Variants in DOCK4 observed in about 807,000 individuals in gnomAD.
The protein encoded by DOCK4 is dedicator of cytokinesis protein 4.
In DOCK4, 97 loss-of-function variants were observed where a neutral mutation model predicts 268.1. The observed-to-expected ratio is 0.36, with a 90% confidence interval of 0.31 to 0.43. The LOEUF (loss-of-function observed/expected upper bound fraction) is 0.43, where lower values mean the gene tolerates loss of function less well. DOCK4 is among the 20% of genes least tolerant of loss of function. The pLI, the probability that DOCK4 is intolerant of heterozygous loss-of-function variation, is 1.00. For missense variants in DOCK4, 2,145 were observed against 2,455.7 expected, an observed-to-expected ratio of 0.87 and a Z score of 2.67; for synonymous variants, 954 against 887.2, an observed-to-expected ratio of 1.08 and a Z score of -1.34.
intron 16 of DOCK4, among the ~76,000 whole-genome samples, chr7:111,879,297 T>C (rs1485740029): frequency 6.6e-6 from 1 of 152,040 alleles, no homozygotes; most frequent in African/African-American, 2.4e-5. Context: ...TAAAGACCCC[T>C]TGGGCCCTAA....
intron 1 of DOCK4, among the ~76,000 whole-genome samples, chr7:112,076,088 CT>C (rs1444989421): frequency 1.3e-5 from 2 of 152,162 alleles, no homozygotes; most frequent in East Asian, 3.9e-4. Context: ...GACTTTAATG[CT>C]AAAAATATTT....
At chr7:112,186,725 G>A (rs117905765) in intron 1 of DOCK4, among the ~76,000 whole-genome samples, 477 of 152,234 alleles carry the variant, frequency 3.1e-3, no homozygotes, top group Non-Finnish European at 5.1e-3. Context: ...GACACCCACA[G>A]AGAAACCACT....
chr7:111,989,280 G>A lies in DOCK4; in HGVS notation c.316-117C>T, dbSNP rs1799311314. The A allele has an allele frequency of 5.9e-6, 8 of 1,358,862 alleles. No individual in the cohort carries two copies. In the African/African-American group the frequency reaches 8.6e-5, roughly 15 times the overall value. The allele number at this position is 1,358,862 out of a possible 1,614,324, so 84.2% of individuals were successfully genotyped here. On this transcript the variant is annotated intron_variant, in intron 5 of 52. Transcript: ENST00000428084. ...TTACCCACTATGTGCTTGCCACTCT[G>A]GACAGATGTCCGTGAACAGACAAAC...
At chr7:111,845,455 T>C (rs1804025600) in intron 24 of DOCK4, among the ~76,000 whole-genome samples, 2 of 152,194 alleles carry the variant, frequency 1.3e-5, no homozygotes, top group African/African-American at 4.8e-5. Context: ...TCAGTGGCCA[T>C]GTGGAAACTG....
At chr7:111,763,135 G>A (rs1011634817) in intron 39 of DOCK4, among the ~76,000 whole-genome samples, 5 of 151,870 alleles carry the variant, frequency 3.3e-5, no homozygotes, top group African/African-American at 4.8e-5. Flanking sequence ...ATGTATTTGA[G>A]TGCTAAAAAT....
chr7:111,754,923 G>GACTT (rs1796920201), intron 42 of DOCK4, among the ~76,000 whole-genome samples: 1 of 152,170 alleles, frequency 6.6e-6, no homozygotes, highest in Non-Finnish European at 1.5e-5. Flanking sequence ...TAACAACACG[G>GACTT]ACTTACTGTG....
At chr7:111,775,425 T>C (rs900910113) in intron 36 of DOCK4, among the ~76,000 whole-genome samples, 2 of 152,184 alleles carry the variant, frequency 1.3e-5, no homozygotes, top group African/African-American at 4.8e-5. Flanking sequence ...TCTCTCCCAC[T>C]GATTACAACT....
At chr7:111,971,193 TACAAAAAAACTA>T (rs1797683394) in intron 8 of DOCK4, 1 of 153,194 alleles carries the variant, frequency 6.5e-6, no homozygotes, top group Non-Finnish European at 1.5e-5. Context: ...TATTTTTATG[TACAAAAAAACTA>T]ACAGGGCACA....
chr7:111,941,517 A>G (rs1485722405), intron 10 of DOCK4, among the ~76,000 whole-genome samples: 3 of 152,192 alleles, frequency 2.0e-5, no homozygotes, highest in Non-Finnish European at 4.4e-5. Flanking sequence ...GGCAGTCTTT[A>G]TCAATATCGT....
Position 111,844,305 on chromosome 7 carries a change from A to G in DOCK4, c.2736+458T>C, listed in dbSNP as rs113998040. 4.5e-3 allele frequency among the ~76,000 whole-genome samples: 683 copies of G among 152,288 alleles called. 6 individuals carry two copies. The highest frequency in any genetic ancestry group is 0.015 in the African/African-American group (624 of 41,566). Reference sequence around the variant, plus strand: ...AAAGAAAAAAAACTTTGCCAATTCCAACCTTCTCATTTCCTAGCTAAGAAA... The same window carrying G: ...AAAGAAAAAAAACTTTGCCAATTCCGACCTTCTCATTTCCTAGCTAAGAAA... On this transcript the variant is annotated intron_variant, in intron 25 of 52. Coordinates refer to ENST00000428084, the MANE Select transcript of DOCK4 (RefSeq NM_001363540.2).
chr7:111,966,098 A>G (rs1797334440), intron 8 of DOCK4, among the ~76,000 whole-genome samples: 1 of 59,652 alleles, frequency 1.7e-5, no homozygotes, highest in African/African-American at 1.2e-4. Context: ...ACCACAAGAG[A>G]AAGCAGGAAA....
At chr7:111,992,021 A>T (rs1799584462) in intron 5 of DOCK4, among the ~76,000 whole-genome samples, 1 of 151,752 alleles carries the variant, frequency 6.6e-6, no homozygotes, top group Non-Finnish European at 1.5e-5. Context: ...AAAGAGATGT[A>T]AAATGTCCAG....
chr7:112,059,806 T>A (rs974847610), intron 1 of DOCK4, among the ~76,000 whole-genome samples: 6 of 152,190 alleles, frequency 3.9e-5, no homozygotes, highest in Non-Finnish European at 7.3e-5. Flanking sequence ...TGTCTAAAAC[T>A]TAGAGACATT....
Position 111,732,281 on chromosome 7 carries a change from G to A in DOCK4, c.5426C>T (p.Pro1809Leu). ...GGATACTGATGTCGTGTGTCTTGCT[G>A]GTGAAGCTGTCAATGGGGAGAGAGA... ...VPPRPTQTAS[P>L]ARHTTSVSPS... The change falls in exon 52 of 53, where the codon CCA becomes CTA. Residue 1809 changes from proline (P) to leucine (L), a missense_variant. Pro to Leu is a moderately conservative substitution (Grantham distance 98). Around this residue, in one of 2 missense-constraint regions of DOCK4, gnomAD observed 547 missense variants for 469.0 expected, o/e 1.17. Transcript: ENST00000428084. 6.2e-7 allele frequency: 1 copy of A among 1,613,966 alleles called. No individual in the cohort carries two copies. Among genetic ancestry groups the A allele is most frequent in the Non-Finnish European group, 8.5e-7 (1 of 1,179,882 alleles).
At chr7:111,973,186 T>TAA (rs1554399515) in intron 8 of DOCK4, among the ~76,000 whole-genome samples, 10 of 137,564 alleles carry the variant, frequency 7.3e-5, no homozygotes, top group African/African-American at 1.8e-4. Flanking sequence ...TATATATATA[T>TAA]AATATTTTCT....
intron 36 of DOCK4, among the ~76,000 whole-genome samples, chr7:111,772,080 T>C (rs898221556): frequency 1.3e-5 from 2 of 152,156 alleles, no homozygotes; most frequent in African/African-American, 4.8e-5. Flanking sequence ...GAAAGTAGAA[T>C]AGTTGTTGCC....
rs75546000 is a variant in DOCK4, at chr7:111,802,835, T to C, written c.3166+5986A>G. Among the ~76,000 whole-genome samples the C allele has an allele frequency of 1.1e-3, 171 of 152,298 alleles. 1 individual carries two copies. The highest frequency in any genetic ancestry group is 3.9e-3 in the African/African-American group (164 of 41,544). ...ATCTAGCTTCAGTGATTATCAAGAC[T>C]CTTGTCCTTCCCATTTTACCTAATA... On this transcript the variant is annotated intron_variant, in intron 30 of 52. Coordinates refer to ENST00000428084, the MANE Select transcript of DOCK4 (RefSeq NM_001363540.2).
chr7:111,855,826 A>G (rs1032344860), intron 23 of DOCK4, among the ~76,000 whole-genome samples: 1 of 152,198 alleles, frequency 6.6e-6, no homozygotes, highest in Non-Finnish European at 1.5e-5. Flanking sequence ...TCAATTTGTT[A>G]TAGTATTTCC....
intron 1 of DOCK4, among the ~76,000 whole-genome samples, chr7:112,133,681 C>G (rs1336706668): frequency 6.6e-6 from 1 of 152,058 alleles, no homozygotes; most frequent in East Asian, 1.9e-4. Flanking sequence ...GATGGCACCA[C>G]TAAACTCTAG....
Sources: gnomAD v4.1 joint callset for allele counts (sites outside exome capture counted in the v4.1 genomes callset) on GRCh38, gnomAD v4.1.1 for gene constraint, gnomAD v4.1.1 regional missense constraint, MANE v1.5 for transcripts, NCBI Gene and HGNC (gene_info 2026-07-23, HGNC 2026-07-21) for gene names.